The following DSC1 variants were observed in gnomAD, a reference collection of about 807,000 sequenced individuals.
The protein encoded by DSC1 is desmocollin 1.
Under a neutral mutation model 98.8 loss-of-function variants are expected in DSC1, and 79 were observed. The observed-to-expected ratio is 0.80, with a 90% confidence interval of 0.67 to 0.96. The LOEUF (loss-of-function observed/expected upper bound fraction) is 0.96, where lower values mean the gene tolerates loss of function less well. DSC1 is among the 50% of genes least tolerant of loss of function. The pLI, the probability that DSC1 is intolerant of heterozygous loss-of-function variation, is 0.00. For synonymous variants in DSC1, 405 were observed against 372.1 expected, an observed-to-expected ratio of 1.09 and a Z score of -1.02; for missense variants, 1,115 against 1,075.9, an observed-to-expected ratio of 1.04 and a Z score of -0.51.
At position 31,157,427 on chromosome 18, in the gene DSC1, C is replaced by T; in HGVS notation, c.295G>A (p.Gly99Ser). 6.2e-7 allele frequency: 1 copy of T among 1,614,170 alleles called. No homozygotes were observed. Among genetic ancestry groups the T allele is most frequent in the Non-Finnish European group, 8.5e-7 (1 of 1,180,034 alleles). The change falls in exon 3 of 16, where the codon GGT (glycine) becomes AGT (serine). Residue 99 changes from glycine to serine, a missense_variant. By Grantham distance (56) the Gly-to-Ser change is moderately conservative (BLOSUM62 0). Coordinates refer to ENST00000257198, the MANE Select transcript of DSC1 (RefSeq NM_024421.2). ...RKSFSIFLSDGQRREQQEIKV... is the reference protein window; with the variant it reads ...RKSFSIFLSDSQRREQQEIKV... ...ATCTCTTGTTGTTCCCGTCTCTGAC[C>T]ATCTGAAAGGAAAATGGAAAAACTT...
At chr18:31,146,962 A>T (rs969385036) in intron 6 of DSC1, among the ~76,000 whole-genome samples, 8 of 152,242 alleles carry the variant, frequency 5.3e-5, no homozygotes, top group Non-Finnish European at 1.0e-4. Context: ...ACATGAGAGT[A>T]TTAGACACAT....
chr18:31,137,965 A>ATGTGTGTGTGTGTG (rs201493651), intron 11 of DSC1, among the ~76,000 whole-genome samples: 1 of 141,530 alleles, frequency 7.1e-6, no homozygotes, highest in Non-Finnish European at 1.5e-5. Flanking sequence ...TCAGAGCAAA[A>ATGTGTGTGTGTGTG]TGTGTGTGTG....
intron 2 of DSC1, 149 bp downstream of exon 2, chr18:31,159,296 A>G (rs951772589): frequency 4.9e-6 from 3 of 606,234 alleles, no homozygotes; most frequent in Non-Finnish European, 8.7e-6. Context: ...CTCATGATCC[A>G]CCCGCCTCGG....
At position 31,156,069 on chromosome 18, in the gene DSC1, C is replaced by T; in HGVS notation, c.445G>A (p.Gly149Ser). Residue 149 changes from glycine to serine, a missense_variant, in exon 4 of 16, where the codon GGT becomes AGT. Transcript: ENST00000257198. ...IPASLMENSL[G>S]PFPQHVQQIQ... ...TGCTGAACGTGTTGTGGAAATGGACCCAACGAGTTCTCCATCAATGAAGCT... is the reference window on the plus strand; with the variant it reads ...TGCTGAACGTGTTGTGGAAATGGACTCAACGAGTTCTCCATCAATGAAGCT... 6.2e-7 allele frequency: 1 copy of T among 1,613,882 alleles called. No individual in the cohort carries two copies. Among genetic ancestry groups the T allele is most frequent in the South Asian group, 1.1e-5 (1 of 91,034 alleles).
In DSC1 at chr18:31,132,676, T is replaced by C. The variant is rs16961338; in HGVS notation, c.2130A>G (p.Thr710=). 7,368 of 1,612,596 alleles carry C rather than the reference T, an allele frequency of 4.6e-3. 315 individuals are homozygous for C. The African/African-American group carries it at 0.089, about 19-fold the overall frequency. The change falls in exon 14 of 16, where the codon ACA becomes ACG. Residue 710 remains threonine (T), a synonymous_variant. Transcript: ENST00000257198. The stretch of plus-strand genomic sequence containing the variant: ...TTCTCTTAGCAGTGACACAGAAACA[T>C]GTAAACAGAATACCTAAAAAGCAAA... ...GSVLLLCILF[T]CFCVTAKRTV...
chr18:31,134,454 T>C (rs1988564735), intron 12 of DSC1, 118 bp downstream of exon 12: 2 of 970,140 alleles, frequency 2.1e-6, no homozygotes, highest in East Asian at 5.3e-5. Flanking sequence ...TTGTTGTTTT[T>C]AGGGTTAATA....
Position 31,130,815 on chromosome 18 carries a change from CAG to C in DSC1, c.2488-106_2488-105del, listed in dbSNP as rs548099685. 1.8e-4 allele frequency: 295 copies of C among 1,612,534 alleles called. No individual in the cohort carries two copies. The African/African-American group carries it at 3.7e-3, about 20-fold the overall frequency. ...TACCTTTTACTGTTTAATTTTTAAT[CAG>C]AGTGTGTCCTCTAATGGATTCCTAT... On this transcript the variant is annotated intron_variant, in intron 15 of 15. Coordinates refer to ENST00000257198, the MANE Select transcript of DSC1 (RefSeq NM_024421.2).
rs1306934489 is a variant in DSC1, at chr18:31,132,678, T to G, written c.2128A>C (p.Thr710Pro). 2.5e-6 allele frequency: 4 copies of G among 1,612,160 alleles called. No individual in the cohort carries two copies. Among genetic ancestry groups the G allele is most frequent in the Non-Finnish European group, 3.4e-6 (4 of 1,179,158 alleles). The change falls in exon 14 of 16, where the codon ACA becomes CCA. Residue 710 changes from threonine to proline, a missense_variant. Coordinates refer to ENST00000257198, the MANE Select transcript of DSC1 (RefSeq NM_024421.2). ...CTCTTAGCAGTGACACAGAAACATGTAAACAGAATACCTAAAAAGCAAAAA... is the reference window on the plus strand; with the variant it reads ...CTCTTAGCAGTGACACAGAAACATGGAAACAGAATACCTAAAAAGCAAAAA... Reference protein sequence around the residue: ...GSVLLLCILFTCFCVTAKRTV... With the variant: ...GSVLLLCILFPCFCVTAKRTV...
Position 31,140,316 on chromosome 18 carries a change from T to G in DSC1, c.1261-15A>C. 1 of 1,612,464 alleles carries G rather than the reference T, an allele frequency of 6.2e-7. No individual in the cohort carries two copies. Among genetic ancestry groups the G allele is most frequent in the Non-Finnish European group, 8.5e-7 (1 of 1,178,894 alleles). ...TAGTTCAATGGCTGTTAAATAAGCA[T>G]ACTTTAATAAGTCAATATATAACAT... is the stretch of plus-strand genomic sequence containing the variant. On this transcript the variant is annotated splice_polypyrimidine_tract_variant and intron_variant, in intron 9 of 15. Coordinates refer to ENST00000257198, the MANE Select transcript of DSC1 (RefSeq NM_024421.2).
At chr18:31,157,606 G>A (rs1336029209) in intron 2 of DSC1, 33 bp from the exon 3 acceptor site, 1 of 1,611,900 alleles carries the variant, frequency 6.2e-7, no homozygotes. Flanking sequence ...CAGTTTGTCA[G>A]ATGAAACAGG....
intron 11 of DSC1, among the ~76,000 whole-genome samples, 168 bp from the exon 12 acceptor site, chr18:31,134,952 C>T (rs1263636471): frequency 6.6e-6 from 1 of 152,108 alleles, no homozygotes; most frequent in Non-Finnish European, 1.5e-5. Context: ...GGACATGTCA[C>T]TTTTCTTTGA....
At chr18:31,146,035 A>G (rs1016604392) in intron 6 of DSC1, among the ~76,000 whole-genome samples, 2 of 152,190 alleles carry the variant, frequency 1.3e-5, no homozygotes, top group Non-Finnish European at 2.9e-5. Flanking sequence ...TACCCTTAGA[A>G]ACAGTAGTTC....
At chr18:31,159,911 G>T (rs1251725449) in intron 1 of DSC1, among the ~76,000 whole-genome samples, 1 of 152,084 alleles carries the variant, frequency 6.6e-6, no homozygotes, top group African/African-American at 2.4e-5. Context: ...TTACATATAT[G>T]CCCTAATTCT....
At chr18:31,150,327 C>CTAACACCAT in intron 5 of DSC1, among the ~76,000 whole-genome samples, 6 of 103,280 alleles carry the variant, frequency 5.8e-5, no homozygotes, top group Non-Finnish European at 1.2e-4. Context: ...ACCATCATCA[C>CTAACACCAT]CACCACCACT....
At chr18:31,145,897 A>G in intron 6 of DSC1, 120 bp from the exon 7 acceptor site, 1 of 1,090,716 alleles carries the variant, frequency 9.2e-7, no homozygotes, top group East Asian at 2.6e-5. Flanking sequence ...GATTAGTTCT[A>G]CTGTTAAGTT....
Position 31,157,380 on chromosome 18 carries a change from T to G in DSC1, c.342A>C (p.Arg114Ser). 1 of 1,614,196 alleles carries G rather than the reference T, an allele frequency of 6.2e-7. No homozygotes were observed. The highest frequency in any genetic ancestry group is 8.5e-7 in the Non-Finnish European group (1 of 1,180,002). The part of the protein sequence containing the change: ...QQEIKVVLSA[R>S]ENKSPKKRHT... ...AGCCCTTGCCTTATACCTTGTTTTC[T>G]CTTGCTGACAGTACAACTTTTATCT... Residue 114 changes from arginine (R) to serine (S), a missense_variant, in exon 3 of 16, where the codon AGA becomes AGC. Coordinates refer to ENST00000257198, the MANE Select transcript of DSC1 (RefSeq NM_024421.2).
intron 5 of DSC1, among the ~76,000 whole-genome samples, chr18:31,150,402 C>CCACCAT (rs1568002963): frequency 1.9e-4 from 2 of 10,352 alleles, no homozygotes; most frequent in East Asian, 2.5e-3. Flanking sequence ...ACCATTATCA[C>CCACCAT]CACCACCACA....
At chr18:31,155,945 G>A in intron 4 of DSC1, 98 bp downstream of exon 4, 1 of 1,323,446 alleles carries the variant, frequency 7.6e-7, no homozygotes, top group Non-Finnish European at 1.0e-6. Context: ...TGTACCATTA[G>A]TTTAAACCTC....
At chr18:31,155,759 T>C (rs1427067819) in intron 4 of DSC1, among the ~76,000 whole-genome samples, 2 of 152,188 alleles carry the variant, frequency 1.3e-5, no homozygotes, top group Admixed American at 1.3e-4. Context: ...TGTACATTAG[T>C]GTTAACAAGT....
Sources: allele counts gnomAD v4.1 joint callset (sites outside exome capture counted in the v4.1 genomes callset), GRCh38; gene constraint gnomAD v4.1.1; transcripts MANE v1.5; gene names NCBI Gene and HGNC (gene_info 2026-07-23, HGNC 2026-07-21).